FBXL7: variants seen among roughly 807,000 people sequenced by gnomAD.
The protein encoded by FBXL7 is F-box/LRR-repeat protein 7.
In FBXL7, 12 loss-of-function variants were observed where a neutral mutation model predicts 38.3. That is an observed-to-expected ratio of 0.31 (90% CI 0.20 to 0.51). The LOEUF (loss-of-function observed/expected upper bound fraction) is 0.51. Ranked by LOEUF, FBXL7 falls within the 20% of genes least tolerant of loss-of-function variation. FBXL7 has a pLI of 0.98. For missense variants in FBXL7, 567 were observed against 676.4 expected (o/e 0.84, Z 1.79); for synonymous variants, 297 against 300.9 (o/e 0.99, Z 0.13).
intron 2 of FBXL7, among the ~76,000 whole-genome samples, chr5:15,798,530 A>T (rs16867747): frequency 0.041 from 6,263 of 152,294 alleles, 435 homozygotes; most frequent in African/African-American, 0.14. Flanking sequence ...ATATTTGTGC[A>T]TGTAAAAGAA....
chr5:15,830,483 AAAACACAC>A (rs917541646), intron 2 of FBXL7, among the ~76,000 whole-genome samples: 53 of 34,214 alleles, frequency 1.5e-3, no homozygotes, highest in East Asian at 5.5e-3. Flanking sequence ...GACTCCATCT[AAAACACAC>A]ACACACACAC....
At chr5:15,658,683 C>A (rs568730403) in intron 2 of FBXL7, among the ~76,000 whole-genome samples, 1 of 151,954 alleles carries the variant, frequency 6.6e-6, no homozygotes, top group East Asian at 1.9e-4. Flanking sequence ...GGGTTGTGAT[C>A]GATTGAGCAA....
chr5:15,655,820 G>A (rs992967911), intron 2 of FBXL7, among the ~76,000 whole-genome samples: 1 of 152,152 alleles, frequency 6.6e-6, no homozygotes, highest in Non-Finnish European at 1.5e-5. Context: ...GAAGGTAAGT[G>A]ACTCACAAAG....
intron 2 of FBXL7, among the ~76,000 whole-genome samples, chr5:15,715,268 G>A (rs574315874): frequency 5.1e-4 from 78 of 152,074 alleles, no homozygotes; most frequent in Admixed American, 1.1e-3. Flanking sequence ...CGAGGCAGGC[G>A]GATCACAAGG....
At chr5:15,795,571 A>G (rs1188156887) in intron 2 of FBXL7, among the ~76,000 whole-genome samples, 5 of 152,154 alleles carry the variant, frequency 3.3e-5, no homozygotes, top group African/African-American at 1.2e-4. Context: ...TTATAGCATG[A>G]CTAATTGGAG....
At chr5:15,606,174 T>C (rs1465573356) in intron 1 of FBXL7, among the ~76,000 whole-genome samples, 1 of 152,114 alleles carries the variant, frequency 6.6e-6, no homozygotes, top group Admixed American at 6.6e-5. Context: ...CTTTTTCTAT[T>C]TTATAGGTTT....
intron 1 of FBXL7, among the ~76,000 whole-genome samples, chr5:15,502,548 A>G (rs954759807): frequency 2.0e-5 from 3 of 152,230 alleles, no homozygotes; most frequent in Non-Finnish European, 4.4e-5. Context: ...ATTCAAGAGG[A>G]CCAATAGGAA....
At chr5:15,709,049 C>G (rs765392630) in intron 2 of FBXL7, among the ~76,000 whole-genome samples, 4 of 152,136 alleles carry the variant, frequency 2.6e-5, no homozygotes, top group Non-Finnish European at 5.9e-5. Flanking sequence ...CGTTTAGTTC[C>G]TTTGCATTGA....
At chr5:15,819,829 A>T (rs1738123570) in intron 2 of FBXL7, among the ~76,000 whole-genome samples, 1 of 152,180 alleles carries the variant, frequency 6.6e-6, no homozygotes, top group African/African-American at 2.4e-5. Context: ...GGAAACCTTC[A>T]GAGAGAATAG....
intron 2 of FBXL7, among the ~76,000 whole-genome samples, chr5:15,917,310 G>A (rs777123559): frequency 1.2e-4 from 18 of 151,922 alleles, no homozygotes; most frequent in African/African-American, 1.9e-4. Flanking sequence ...AGTATCACTC[G>A]CCATAAATAT....
At chr5:15,649,327 A>G (rs1741634543) in intron 2 of FBXL7, among the ~76,000 whole-genome samples, 1 of 152,178 alleles carries the variant, frequency 6.6e-6, no homozygotes, top group Non-Finnish European at 1.5e-5. Context: ...CAGTAAATCT[A>G]TAATTTGACA....
rs139058526 is a variant in FBXL7, at chr5:15,660,051, T to C, written c.127+43979T>C. On this transcript the variant is annotated intron_variant, in intron 2 of 3. Transcript: ENST00000504595. ...ACAGTTTCATCTAACAGCTTGTTAT[T>C]TGTAACATGGAGAGGTCTGCTTATT... Among the ~76,000 whole-genome samples the C allele has an allele frequency of 3.1e-3, 465 of 152,334 alleles. 2 individuals are homozygous for C. The highest frequency in any genetic ancestry group is 5.5e-3 in the Non-Finnish European group (373 of 68,028).
chr5:15,762,225 G>A (rs905055680), intron 2 of FBXL7, among the ~76,000 whole-genome samples: 2 of 152,220 alleles, frequency 1.3e-5, no homozygotes, highest in Non-Finnish European at 2.9e-5. Flanking sequence ...TCAGTTCCTT[G>A]TCATGGGACC....
At chr5:15,888,344 C>T (rs1178333292) in intron 2 of FBXL7, among the ~76,000 whole-genome samples, 1 of 152,066 alleles carries the variant, frequency 6.6e-6, no homozygotes, top group Non-Finnish European at 1.5e-5. Context: ...TCTCCCGCCT[C>T]AGCCTCCTGA....
At chr5:15,712,915 T>G (rs954800466) in intron 2 of FBXL7, among the ~76,000 whole-genome samples, 3 of 152,150 alleles carry the variant, frequency 2.0e-5, no homozygotes, top group Non-Finnish European at 4.4e-5. Flanking sequence ...AGCTACAGCA[T>G]CTATAAGTTG....
intron 1 of FBXL7, among the ~76,000 whole-genome samples, chr5:15,560,450 G>A (rs1057477382): frequency 2.6e-5 from 4 of 152,140 alleles, no homozygotes; most frequent in Admixed American, 1.3e-4. Flanking sequence ...ACTACAAATG[G>A]TTCCAAATTG....
intron 1 of FBXL7, among the ~76,000 whole-genome samples, chr5:15,606,385 G>A (rs1740018829): frequency 6.6e-6 from 1 of 152,094 alleles, no homozygotes; most frequent in Non-Finnish European, 1.5e-5. Flanking sequence ...GACAGCAGCT[G>A]TGGTGGGAAT....
intron 2 of FBXL7, among the ~76,000 whole-genome samples, chr5:15,700,035 G>C (rs1743473158): frequency 1.3e-5 from 2 of 152,130 alleles, no homozygotes; most frequent in South Asian, 4.1e-4. Flanking sequence ...ATGCTTTTAA[G>C]GAAAACTAAA....
intron 2 of FBXL7, among the ~76,000 whole-genome samples, chr5:15,748,792 T>C (rs1179719240): frequency 6.6e-6 from 1 of 152,196 alleles, no homozygotes; most frequent in African/African-American, 2.4e-5. Context: ...AGGCTCAAAC[T>C]TGGGGACTCA....
Sources: allele counts gnomAD v4.1 joint callset (sites outside exome capture counted in the v4.1 genomes callset), GRCh38; gene constraint gnomAD v4.1.1; transcripts MANE v1.5; gene names NCBI Gene and HGNC (gene_info 2026-07-23, HGNC 2026-07-21).